The following PLCG2 variants were observed in gnomAD, a reference collection of about 807,000 sequenced individuals.
PLCG2 encodes the protein 1-phosphatidylinositol 4,5-bisphosphate phosphodiesterase gamma-2.
PLCG2 carries 69 observed loss-of-function variants against 175.6 expected under a neutral mutation model. The ratio of observed to expected loss-of-function variants is 0.39; its 90% CI spans 0.32 to 0.48. The LOEUF is 0.48. Among genes scored for constraint, PLCG2 ranks in the 20% least tolerant of loss-of-function variants. The pLI is 0.91. For missense variants in PLCG2, 1,798 were observed against 1,650.9 expected (o/e 1.09, Z -1.54); for synonymous variants, 827 against 624.0 (o/e 1.33, Z -4.85).
At position 81,961,248 on chromosome 16, in the gene PLCG2, C is replaced by T. The variant is rs1453925373; in HGVS notation, c.*3250C>T. ...ATGTATCTGTGTGAACAAGGATCAACATCTCCATAAATGAAATTGAAAACG... is the reference window on the plus strand; with the variant it reads ...ATGTATCTGTGTGAACAAGGATCAATATCTCCATAAATGAAATTGAAAACG... On this transcript the variant is annotated 3_prime_UTR_variant, in exon 33 of 33. Coordinates refer to ENST00000564138, the MANE Select transcript of PLCG2 (RefSeq NM_002661.5). 8.9e-6 allele frequency: 2 copies of T among 225,630 alleles called. No homozygotes were observed. The highest frequency in any genetic ancestry group is 1.8e-5 in the Non-Finnish European group (2 of 113,448). The allele number at this position is 225,630 out of a possible 1,614,324, so 14.0% of individuals were successfully genotyped here.
At chr16:81,955,057 A>C (rs772226704) in intron 31 of PLCG2, among the ~76,000 whole-genome samples, 41 of 152,182 alleles carry the variant, frequency 2.7e-4, no homozygotes, top group Non-Finnish European at 7.4e-5. Context: ...AGTCATTACT[A>C]AGTGAAGTCA....
At chr16:81,909,906 G>A (rs373814773) in intron 17 of PLCG2, among the ~76,000 whole-genome samples, 1 of 151,500 alleles carries the variant, frequency 6.6e-6, no homozygotes, top group Admixed American at 6.6e-5. Context: ...GACAGCACGG[G>A]TGACCTGCTC....
At chr16:81,830,661 T>A (rs910279488) in intron 2 of PLCG2, among the ~76,000 whole-genome samples, 2 of 151,256 alleles carry the variant, frequency 1.3e-5, no homozygotes, top group East Asian at 1.9e-4. Flanking sequence ...TGTGTGTGTG[T>A]GTGTGTATAT....
rs746182532 is a variant in PLCG2 at position 81,936,275 on chromosome 16, C to T, written c.2949C>T (p.Thr983=). Reference sequence around the variant, plus strand: ...TGAAGTACAATCAAAAGGGCCTGACCCGCGTCTACCCAAAGGGACAAAGAG... The same window carrying T: ...TGAAGTACAATCAAAAGGGCCTGACTCGCGTCTACCCAAAGGGACAAAGAG... ...DLLKYNQKGL[T]RVYPKGQRVD... Residue 983 remains threonine, a synonymous_variant, in exon 27 of 33, where the codon ACC becomes ACT. Transcript: ENST00000564138. 14 of 1,614,048 alleles carry T rather than the reference C, an allele frequency of 8.7e-6. No homozygotes were observed. The highest frequency in any genetic ancestry group is 1.3e-5 in the African/African-American group (1 of 74,922).
intron 2 of PLCG2, among the ~76,000 whole-genome samples, chr16:81,853,401 G>A (rs953926333): frequency 1.2e-4 from 18 of 151,948 alleles, no homozygotes; most frequent in African/African-American, 2.9e-4. Context: ...TTATGCCAGC[G>A]TGCCAGTGCT....
rs1391752533 is a variant in PLCG2, at chr16:81,928,610, A to G, written c.2567A>G (p.Asn856Ser). Residue 856 changes from asparagine to serine, a missense_variant, in exon 24 of 33, where the codon AAT becomes AGT. Coordinates refer to ENST00000564138, the MANE Select transcript of PLCG2 (RefSeq NM_002661.5). ...GSLCRGILDL[N>S]TYNVVKAPQG... is the part of the protein sequence containing the mutation. ...CTTTGCAGAGGAATATTGGACCTCA[A>G]TACCTATAACGTCGGTACGTGCACA... 3 of 1,606,204 alleles carry G rather than the reference A, an allele frequency of 1.9e-6. No individual in the cohort carries two copies. Among genetic ancestry groups the G allele is most frequent in the Non-Finnish European group, 2.6e-6 (3 of 1,172,912 alleles).
chr16:81,831,382 T>A (rs1271614158), intron 2 of PLCG2, among the ~76,000 whole-genome samples: 1 of 152,184 alleles, frequency 6.6e-6, no homozygotes, highest in Non-Finnish European at 1.5e-5. Context: ...AATCTGTGGA[T>A]AATAGCAGCA....
chr16:81,864,919 CCGT>C (rs1907155324), intron 5 of PLCG2, among the ~76,000 whole-genome samples: 1 of 151,986 alleles, frequency 6.6e-6, no homozygotes, highest in Non-Finnish European at 1.5e-5. Context: ...GGAATAGTTG[CCGT>C]CCTTCTCCAA....
chr16:81,908,089 C>G (rs192485375), intron 16 of PLCG2, among the ~76,000 whole-genome samples: 3 of 152,222 alleles, frequency 2.0e-5, no homozygotes, highest in African/African-American at 7.2e-5. Context: ...CTGTGGTCAT[C>G]TTTCCCGCTG....
intron 2 of PLCG2, among the ~76,000 whole-genome samples, chr16:81,850,888 G>C (rs542119112): frequency 1.3e-5 from 2 of 152,324 alleles, no homozygotes; most frequent in South Asian, 4.1e-4. Context: ...TAACTCCCTT[G>C]AGTAAGATTT....
chr16:81,933,540 C>G (rs1031857516), intron 25 of PLCG2, among the ~76,000 whole-genome samples: 3 of 151,716 alleles, frequency 2.0e-5, no homozygotes, highest in South Asian at 2.1e-4. Flanking sequence ...GGGGTGACAG[C>G]TGCAGGCCTG....
intron 22 of PLCG2, among the ~76,000 whole-genome samples, chr16:81,924,063 C>T (rs1299059386): frequency 2.0e-5 from 3 of 152,264 alleles, no homozygotes; most frequent in Non-Finnish European, 2.9e-5. Context: ...AATTCGTATG[C>T]TGTTCCATAG....
intron 19 of PLCG2, among the ~76,000 whole-genome samples, chr16:81,916,695 G>T (rs4450393): frequency 0.39 from 58,870 of 151,670 alleles, 12,496 homozygotes; most frequent in East Asian, 0.78. Context: ...TGGAGTGCAG[G>T]GGCGTGATCT....
At chr16:81,852,851 G>A (rs1390638829) in intron 2 of PLCG2, among the ~76,000 whole-genome samples, 1 of 152,178 alleles carries the variant, frequency 6.6e-6, no homozygotes, top group Non-Finnish European at 1.5e-5. Context: ...ATGGTCCAGT[G>A]CTCTGTGGCT....
upstream of PLCG2, among the ~76,000 whole-genome samples, chr16:81,777,494 T>C (rs931608093): frequency 6.6e-6 from 1 of 152,042 alleles, no homozygotes; most frequent in East Asian, 1.9e-4. Context: ...TGTAGTCATT[T>C]TTCCTGGGGA....
intron 2 of PLCG2, among the ~76,000 whole-genome samples, chr16:81,819,301 G>A (rs1350889348): frequency 6.6e-6 from 1 of 152,184 alleles, no homozygotes; most frequent in African/African-American, 2.4e-5. Context: ...TGGATTCCCA[G>A]GTGTGGAGTG....
At chr16:81,779,093 T>C (rs948878990), upstream of PLCG2, among the ~76,000 whole-genome samples, 54 of 152,306 alleles carry the variant, frequency 3.5e-4, no homozygotes, top group Non-Finnish European at 6.2e-4. Flanking sequence ...TTGCCTCAGT[T>C]TCTTCTTTGG....
chr16:81,827,059 C>T (rs938246397), intron 2 of PLCG2, among the ~76,000 whole-genome samples: 4 of 152,174 alleles, frequency 2.6e-5, no homozygotes, highest in African/African-American at 9.7e-5. Context: ...TCCTAAGCCC[C>T]ATGATTGTGC....
At chr16:81,947,959 C>T (rs538220323) in intron 31 of PLCG2, among the ~76,000 whole-genome samples, 2 of 152,220 alleles carry the variant, frequency 1.3e-5, no homozygotes, top group South Asian at 4.1e-4. Context: ...TACAGGTGCC[C>T]TTTTCTACTT....
Sources: allele counts gnomAD v4.1 joint callset (sites outside exome capture counted in the v4.1 genomes callset), GRCh38; gene constraint gnomAD v4.1.1; transcripts MANE v1.5; gene names NCBI Gene and HGNC (gene_info 2026-07-23, HGNC 2026-07-21).